Variants in GRM1 observed in about 807,000 individuals in gnomAD.
GRM1 encodes glutamate metabotropic receptor 1.
Under a neutral mutation model 90.9 loss-of-function variants are expected in GRM1, and 33 were observed. The ratio of observed to expected loss-of-function variants is 0.36; its 90% confidence interval spans 0.28 to 0.49. The LOEUF (loss-of-function observed/expected upper bound fraction) is 0.49. Ranked by LOEUF, GRM1 falls within the 20% of genes least tolerant of loss-of-function variation. The pLI, the probability that GRM1 is intolerant of heterozygous loss-of-function variation, is 0.99. For missense variants in GRM1, 1,190 were observed against 1,534.3 expected, an observed-to-expected ratio of 0.78 and a Z score of 3.75; for synonymous variants, 700 against 613.2, an observed-to-expected ratio of 1.14 and a Z score of -2.09.
chr6:146,277,112 AAATACAATAC>A (rs540751502), intron 2 of GRM1, among the ~76,000 whole-genome samples: 111 of 152,308 alleles, frequency 7.3e-4, no homozygotes, highest in Admixed American at 1.4e-3. Context: ...TCAAAAAGAT[AAATACAATAC>A]AATACAATAC....
chr6:146,035,904 T>G (rs1790873857), intron 1 of GRM1, among the ~76,000 whole-genome samples: 1 of 151,972 alleles, frequency 6.6e-6, no homozygotes, highest in South Asian at 2.1e-4. Context: ...AAAATGACAC[T>G]TTCATTATTT....
intron 2 of GRM1, among the ~76,000 whole-genome samples, chr6:146,278,735 G>A (rs1782461811): frequency 6.6e-6 from 1 of 152,300 alleles, no homozygotes; most frequent in South Asian, 2.1e-4. Context: ...AGTAAGCCGA[G>A]ATCACGCTAC....
chr6:146,150,938 G>GCACA (rs143821112), intron 1 of GRM1, among the ~76,000 whole-genome samples: 80,489 of 150,612 alleles, frequency 0.53, 22,315 homozygotes, highest in South Asian at 0.69. Flanking sequence ...GCGTGTGCGC[G>GCACA]CACACACACA....
intron 2 of GRM1, among the ~76,000 whole-genome samples, chr6:146,174,930 G>A (rs1778280957): frequency 6.6e-6 from 1 of 152,208 alleles, no homozygotes; most frequent in African/African-American, 2.4e-5. Context: ...CTTGCCATGT[G>A]GACCTCTGTG....
intron 2 of GRM1, among the ~76,000 whole-genome samples, chr6:146,168,935 T>A (rs534552719): frequency 6.6e-6 from 1 of 152,242 alleles, no homozygotes; most frequent in African/African-American, 2.4e-5. Context: ...AGTTTTTAAA[T>A]ATTTATGGGA....
chr6:146,267,711 G>A lies in GRM1; in HGVS notation c.951-36900G>A, dbSNP rs953557437. 4.5e-5 allele frequency among the ~76,000 whole-genome samples: 5 copies of A among 112,338 alleles called. No homozygotes were observed. The South Asian group carries it at 1.9e-3, about 42-fold the overall frequency. The allele number at this position is 112,338 out of a possible 152,430, so 73.7% of individuals were successfully genotyped here. On this transcript the variant is annotated intron_variant, in intron 2 of 7. Coordinates refer to ENST00000282753, the MANE Select transcript of GRM1 (RefSeq NM_001278064.2). ...GGCTCGGCTCGGCTCGGCTCGTCTC[G>A]TCTCGTCTCGTCTCGTCTCGTCTCG...
intron 1 of GRM1, among the ~76,000 whole-genome samples, chr6:146,130,154 C>T (rs1437546286): frequency 6.6e-6 from 1 of 151,992 alleles, no homozygotes; most frequent in African/African-American, 2.4e-5. Flanking sequence ...GGCTGAAGAT[C>T]CTGATACTTC....
intron 5 of GRM1, among the ~76,000 whole-genome samples, chr6:146,360,351 G>A (rs1176435523): frequency 6.6e-6 from 1 of 151,768 alleles, no homozygotes; most frequent in Non-Finnish European, 1.5e-5. Flanking sequence ...ATATCTCATG[G>A]AAGAAGAGAA....
At chr6:146,330,421 A>G (rs1467749462) in intron 3 of GRM1, among the ~76,000 whole-genome samples, 3 of 152,180 alleles carry the variant, frequency 2.0e-5, no homozygotes, top group Admixed American at 1.3e-4. Flanking sequence ...CCACACTCCC[A>G]TCACTTTATC....
intron 7 of GRM1, among the ~76,000 whole-genome samples, chr6:146,425,530 T>G (rs1206743171): frequency 6.6e-6 from 1 of 152,204 alleles, no homozygotes; most frequent in Non-Finnish European, 1.5e-5. Flanking sequence ...CCTGGACAGT[T>G]GTCACCAGGA....
At chr6:146,122,975 G>C (rs915255728) in intron 1 of GRM1, among the ~76,000 whole-genome samples, 8 of 150,802 alleles carry the variant, frequency 5.3e-5, no homozygotes, top group African/African-American at 1.7e-4. Context: ...CTCCTGAGTA[G>C]CTGGGATTAC....
chr6:146,066,746 C>T (rs1264096040), intron 1 of GRM1, among the ~76,000 whole-genome samples: 1 of 149,268 alleles, frequency 6.7e-6, no homozygotes, highest in Admixed American at 6.7e-5. Context: ...ACAGGTTTTA[C>T]ATAATAATAG....
chr6:146,433,950 C>T lies in GRM1; in HGVS notation c.2739C>T (p.Leu913=), dbSNP rs140986843. ...VPKGQHMWHR[L]SVHVKTNETA... is the part of the protein sequence containing the mutation. ...AGGGACAGCATATGTGGCACCGCCTCTCTGTGCACGTGAAGACCAATGAGA... is the reference window on the plus strand; with the variant it reads ...AGGGACAGCATATGTGGCACCGCCTTTCTGTGCACGTGAAGACCAATGAGA... Residue 913 remains leucine, a synonymous_variant, in exon 8 of 8, where the codon CTC becomes CTT. Transcript: ENST00000282753. 1.5e-5 allele frequency: 24 copies of T among 1,613,818 alleles called. No homozygotes were observed. The highest frequency in any genetic ancestry group is 1.3e-4 in the African/African-American group (10 of 75,060).
At chr6:146,147,389 CAAAT>C (rs1221918676) in intron 1 of GRM1, among the ~76,000 whole-genome samples, 2 of 152,102 alleles carry the variant, frequency 1.3e-5, no homozygotes, top group Non-Finnish European at 2.9e-5. Flanking sequence ...AGAATTATGA[CAAAT>C]AAGGCGACGA....
At chr6:146,211,629 A>G (rs1779690530) in intron 2 of GRM1, among the ~76,000 whole-genome samples, 1 of 152,216 alleles carries the variant, frequency 6.6e-6, no homozygotes, top group African/African-American at 2.4e-5. Flanking sequence ...AAGCATCTGT[A>G]AATTTTCATC....
chr6:146,248,028 G>A (rs1423763898), intron 2 of GRM1, among the ~76,000 whole-genome samples: 1 of 151,714 alleles, frequency 6.6e-6, no homozygotes, highest in Admixed American at 6.6e-5. Flanking sequence ...GTTGGATGCT[G>A]GGTCTTAAGA....
At chr6:146,419,920 T>C (rs983063012) in intron 7 of GRM1, among the ~76,000 whole-genome samples, 1 of 152,154 alleles carries the variant, frequency 6.6e-6, no homozygotes, top group Non-Finnish European at 1.5e-5. Flanking sequence ...CAAACCATAT[T>C]CCTGAGTTTC....
At chr6:146,292,757 A>G (rs956550336) in intron 2 of GRM1, among the ~76,000 whole-genome samples, 1 of 151,992 alleles carries the variant, frequency 6.6e-6, no homozygotes, top group Non-Finnish European at 1.5e-5. Context: ...CAGCATTTTC[A>G]TTCCTGGATA....
intron 3 of GRM1, among the ~76,000 whole-genome samples, chr6:146,338,789 C>T (rs1784866466): frequency 6.6e-6 from 1 of 152,148 alleles, no homozygotes. Context: ...TTCATAAAGG[C>T]TTGGATCTGC....
Sources: gnomAD v4.1 joint callset for allele counts (sites outside exome capture counted in the v4.1 genomes callset) on GRCh38, gnomAD v4.1.1 for gene constraint, MANE v1.5 for transcripts, NCBI Gene and HGNC (gene_info 2026-07-23, HGNC 2026-07-21) for gene names.